The following MGAT4C variants were observed in gnomAD, a reference collection of about 807,000 sequenced individuals.
The protein encoded by MGAT4C is MGAT4 family member C.
A neutral mutation model predicts 40.1 loss-of-function variants in MGAT4C; 19 were observed. The observed-to-expected ratio is 0.47, with a 90% CI of 0.33 to 0.70. The LOEUF (loss-of-function observed/expected upper bound fraction) is 0.70. Among genes scored for constraint, MGAT4C ranks in the 30% least tolerant of loss-of-function variants. The pLI is 0.02. For missense variants in MGAT4C, 491 were observed against 563.2 expected, an observed-to-expected ratio of 0.87 and a Z score of 1.30; for synonymous variants, 181 against 187.1, an observed-to-expected ratio of 0.97 and a Z score of 0.27.
intron 1 of MGAT4C, among the ~76,000 whole-genome samples, chr12:86,191,082 TGCACACACACAC>T (rs1316804583): frequency 1.5e-4 from 15 of 103,008 alleles, no homozygotes; most frequent in African/African-American, 5.2e-4. Flanking sequence ...TCTCTCTCTC[TGCACACACACAC>T]ACACACACAC....
chr12:86,338,464 C>G (rs1259656294), intron 3 of MGAT4C, among the ~76,000 whole-genome samples: 1 of 152,122 alleles, frequency 6.6e-6, no homozygotes, highest in African/African-American at 2.4e-5. Flanking sequence ...ATTTCTTAGT[C>G]CTACAAAGGC....
chr12:86,007,222 C>T (rs889922096), intron 2 of MGAT4C, among the ~76,000 whole-genome samples: 2 of 151,992 alleles, frequency 1.3e-5, no homozygotes, highest in East Asian at 3.9e-4. Context: ...TGAAAGACTG[C>T]AATATTTTGG....
At chr12:86,266,476 T>C (rs190259050) in intron 4 of MGAT4C, among the ~76,000 whole-genome samples, 152 of 152,328 alleles carry the variant, frequency 1.0e-3, no homozygotes, top group Non-Finnish European at 1.7e-3. Context: ...TTTGCATCCC[T>C]GGTGTAAAAC....
chr12:86,708,190 T>C (rs1450393502), intron 2 of MGAT4C, among the ~76,000 whole-genome samples: 3 of 152,192 alleles, frequency 2.0e-5, no homozygotes, highest in African/African-American at 7.2e-5. Context: ...CTTGGTGCCC[T>C]GCATCCCAGT....
intron 1 of MGAT4C, among the ~76,000 whole-genome samples, chr12:86,250,933 T>A (rs1952247384): frequency 6.6e-6 from 1 of 152,040 alleles, no homozygotes; most frequent in African/African-American, 2.4e-5. Context: ...TAGCAATTTT[T>A]AATGAAACTC....
intron 1 of MGAT4C, among the ~76,000 whole-genome samples, chr12:86,791,813 C>A (rs1385058926): frequency 1.3e-5 from 2 of 152,066 alleles, no homozygotes; most frequent in East Asian, 1.9e-4. Flanking sequence ...AAGAAGAAGA[C>A]CTCTGAAAAG....
intron 2 of MGAT4C, among the ~76,000 whole-genome samples, chr12:86,563,534 C>T (rs970285030): frequency 6.6e-6 from 1 of 152,168 alleles, no homozygotes; most frequent in Non-Finnish European, 1.5e-5. Context: ...AACCAGTTTA[C>T]AGGCCCAGAA....
chr12:86,583,118 A>T (rs1960861427), intron 2 of MGAT4C, among the ~76,000 whole-genome samples: 1 of 151,354 alleles, frequency 6.6e-6, no homozygotes, highest in Admixed American at 6.6e-5. Context: ...AGAAAATTAA[A>T]ATCAGAATAT....
intron 1 of MGAT4C, among the ~76,000 whole-genome samples, chr12:86,807,593 C>T (rs924907221): frequency 2.6e-5 from 4 of 152,044 alleles, no homozygotes; most frequent in African/African-American, 4.8e-5. Context: ...AGTAAGTGTG[C>T]ATGTATCTTT....
At chr12:86,649,722 C>T (rs1376477402) in intron 2 of MGAT4C, among the ~76,000 whole-genome samples, 1 of 151,620 alleles carries the variant, frequency 6.6e-6, no homozygotes, top group African/African-American at 2.4e-5. Flanking sequence ...AATCTAAAGG[C>T]CGTTATTTTA....
At chr12:86,534,711 T>C (rs185462911) in intron 2 of MGAT4C, among the ~76,000 whole-genome samples, 3 of 152,290 alleles carry the variant, frequency 2.0e-5, no homozygotes, top group African/African-American at 7.2e-5. Context: ...CATTTTGCCC[T>C]AGAGAATCAA....
At chr12:86,100,474 G>A (rs1412511772) in intron 1 of MGAT4C, among the ~76,000 whole-genome samples, 2 of 151,216 alleles carry the variant, frequency 1.3e-5, no homozygotes, top group Non-Finnish European at 1.5e-5. Flanking sequence ...TTCCAAAAAA[G>A]ACAATATTTT....
rs951745689 is a variant in MGAT4C at position 85,972,182 on chromosome 12, T to A, written c.*7107A>T. ...ATTTTGATATGACTGATTACCAAAT[T>A]ATGGTGGGTAAAGATGCCACATGCA... is the stretch of plus-strand genomic sequence containing the variant. On this transcript the variant is annotated 3_prime_UTR_variant, in exon 5 of 5. Coordinates refer to ENST00000611864, the MANE Select transcript of MGAT4C (RefSeq NM_001351288.2). 6.6e-6 allele frequency: 1 copy of A among 151,156 alleles called. No homozygotes were observed. Among genetic ancestry groups the A allele is most frequent in the Admixed American group, 6.6e-5 (1 of 15,126 alleles). 9.4% of individuals were successfully genotyped at this position (151,156 alleles called of 1,614,324 possible).
intron 1 of MGAT4C, among the ~76,000 whole-genome samples, chr12:86,217,163 T>G (rs1469851389): frequency 6.6e-6 from 1 of 151,338 alleles, no homozygotes; most frequent in East Asian, 1.9e-4. Context: ...CTCTCCAGTT[T>G]CTTATTTATT....
chr12:86,771,295 C>T (rs1951630305), intron 1 of MGAT4C, among the ~76,000 whole-genome samples: 1 of 152,116 alleles, frequency 6.6e-6, no homozygotes, highest in Admixed American at 6.6e-5. Context: ...CCTAGCCAAA[C>T]TAATACAGAT....
intron 2 of MGAT4C, among the ~76,000 whole-genome samples, chr12:86,049,108 G>A (rs1184005969): frequency 6.6e-6 from 1 of 152,052 alleles, no homozygotes; most frequent in African/African-American, 2.4e-5. Context: ...AGTAGTAAAT[G>A]TGTGAGTAAA....
intron 3 of MGAT4C, among the ~76,000 whole-genome samples, chr12:86,424,338 T>A (rs940090752): frequency 6.6e-6 from 1 of 152,234 alleles, no homozygotes; most frequent in Non-Finnish European, 1.5e-5. Context: ...TCACAGGAAG[T>A]GCACTATGCA....
intron 2 of MGAT4C, among the ~76,000 whole-genome samples, chr12:86,019,788 G>A (rs1026885479): frequency 1.4e-4 from 22 of 152,042 alleles, no homozygotes; most frequent in African/African-American, 4.8e-4. Context: ...GGGCAGTATG[G>A]CCATTTTCAT....
chr12:86,214,997 T>G (rs1950613026), intron 1 of MGAT4C, among the ~76,000 whole-genome samples: 1 of 152,186 alleles, frequency 6.6e-6, no homozygotes, highest in African/African-American at 2.4e-5. Flanking sequence ...ATTCTATTTT[T>G]CTATGACCTT....
Sources: gnomAD v4.1 joint callset for allele counts (sites outside exome capture counted in the v4.1 genomes callset) on GRCh38, gnomAD v4.1.1 for gene constraint, MANE v1.5 for transcripts, NCBI Gene and HGNC (gene_info 2026-07-23, HGNC 2026-07-21) for gene names.